NRXN3: variants seen among roughly 807,000 people sequenced by gnomAD.
NRXN3 encodes neurexin III.
NRXN3 carries 32 observed loss-of-function variants against 137.6 expected under a neutral mutation model. The observed-to-expected ratio is 0.23, with a 90% CI of 0.18 to 0.31. NRXN3 has a LOEUF of 0.31. Among genes scored for constraint, NRXN3 ranks in the 10% least tolerant of loss-of-function variants. The probability of loss-of-function intolerance (pLI) is 1.00; values close to 1 mark genes in which losing one functional copy is unlikely to be tolerated. For missense variants in NRXN3, 1,574 were observed against 2,062.5 expected (o/e 0.76, Z 4.59); for synonymous variants, 798 against 784.5 (o/e 1.02, Z -0.29).
intron 4 of NRXN3, among the ~76,000 whole-genome samples, chr14:78,528,806 A>G (rs1352426563): frequency 6.6e-6 from 1 of 152,092 alleles, no homozygotes; most frequent in Non-Finnish European, 1.5e-5. Context: ...TTTAGCATGG[A>G]TATTTCCATT....
intron 15 of NRXN3, among the ~76,000 whole-genome samples, chr14:79,447,744 A>C (rs746212092): frequency 6.6e-6 from 1 of 152,206 alleles, no homozygotes; most frequent in Non-Finnish European, 1.5e-5. Flanking sequence ...TGAGTCCAGT[A>C]ATTTTTACGT....
chr14:79,284,781 GC>G (rs777366430), intron 15 of NRXN3, among the ~76,000 whole-genome samples: 5 of 152,154 alleles, frequency 3.3e-5, no homozygotes, highest in Admixed American at 1.3e-4. Flanking sequence ...AGCCTTGGGG[GC>G]TTGTTTTGCT....
intron 15 of NRXN3, among the ~76,000 whole-genome samples, chr14:79,261,208 C>A (rs1463539594): frequency 2.0e-5 from 3 of 152,092 alleles, no homozygotes; most frequent in Non-Finnish European, 4.4e-5. Flanking sequence ...AAGGAGTGGA[C>A]TTTGAGGGTT....
At chr14:79,541,170 G>C (rs1480364678) in intron 16 of NRXN3, among the ~76,000 whole-genome samples, 1 of 152,130 alleles carries the variant, frequency 6.6e-6, no homozygotes, top group Non-Finnish European at 1.5e-5. Context: ...CAGCACTTTG[G>C]GAGGCCAAGG....
At chr14:79,065,447 G>C (rs2099679590) in intron 15 of NRXN3, among the ~76,000 whole-genome samples, 1 of 152,230 alleles carries the variant, frequency 6.6e-6, no homozygotes, top group East Asian at 1.9e-4. Flanking sequence ...ATGCAGAAAG[G>C]GTGGCCATGT....
intron 15 of NRXN3, among the ~76,000 whole-genome samples, chr14:79,262,190 A>C (rs1160056652): frequency 6.6e-6 from 1 of 152,178 alleles, no homozygotes; most frequent in African/African-American, 2.4e-5. Flanking sequence ...CCTCCTGCCC[A>C]CAACTTCTTT....
intron 15 of NRXN3, among the ~76,000 whole-genome samples, chr14:79,172,938 C>A (rs993566014): frequency 2.0e-5 from 3 of 152,290 alleles, no homozygotes; most frequent in Non-Finnish European, 4.4e-5. Context: ...GAAATTTAAT[C>A]ACTTCCAAAG....
At chr14:78,692,893 C>G (rs1021108932) in intron 6 of NRXN3, among the ~76,000 whole-genome samples, 4 of 149,590 alleles carry the variant, frequency 2.7e-5, no homozygotes, top group African/African-American at 9.9e-5. Flanking sequence ...CGAGCCTGGC[C>G]AACATAGTGA....
chr14:78,958,350 T>C (rs374292635), intron 11 of NRXN3, among the ~76,000 whole-genome samples: 2 of 150,356 alleles, frequency 1.3e-5, no homozygotes, highest in African/African-American at 4.9e-5. Context: ...ATATCTTTTT[T>C]TTCTTTCTTT....
intron 15 of NRXN3, among the ~76,000 whole-genome samples, chr14:79,368,073 T>A (rs1270432137): frequency 6.6e-6 from 1 of 152,196 alleles, no homozygotes. Flanking sequence ...CATTATTACC[T>A]CTATGGGGCT....
intron 4 of NRXN3, among the ~76,000 whole-genome samples, chr14:78,316,550 TGGA>T (rs781680439): frequency 4.6e-5 from 7 of 152,170 alleles, no homozygotes; most frequent in Non-Finnish European, 1.0e-4. Flanking sequence ...AATTTATTTT[TGGA>T]GGAGAAGGGA....
At chr14:79,260,123 GATATGTACAA>G (rs1156496490) in intron 15 of NRXN3, among the ~76,000 whole-genome samples, 1 of 151,966 alleles carries the variant, frequency 6.6e-6, no homozygotes, top group Non-Finnish European at 1.5e-5. Flanking sequence ...TAATATTTTT[GATATGTACAA>G]ATATGTATCT....
chr14:79,042,891 AT>A (rs564236361), intron 15 of NRXN3, among the ~76,000 whole-genome samples: 201 of 145,630 alleles, frequency 1.4e-3, no homozygotes, highest in African/African-American at 1.5e-3. Flanking sequence ...CAGCAAAAGG[AT>A]TTTTTTTTTT....
rs748918729 is a variant in NRXN3, at chr14:79,861,678, C to T, written c.4430C>T (p.Pro1477Leu). The change falls in exon 21 of 21, where the codon CCG becomes CTG. Residue 1477 changes from proline to leucine, a missense_variant. Around this residue, in one of 5 missense-constraint regions of NRXN3, gnomAD observed 320 missense variants for 387.1 expected, o/e 0.83. Coordinates refer to ENST00000335750, the MANE Select transcript of NRXN3 (RefSeq NM_001330195.2). The surrounding 1 kb of genome is among the most constrained non-coding windows in gnomAD (Gnocchi z 5.4). ...RNVPTANPTE[P>L]GIRRVPGASE... ...GTGCCCACAGCAAACCCCACGGAGC[C>T]GGGAATCAGACGGGTTCCGGGGGCC... 5 of 1,614,016 alleles carry T rather than the reference C, an allele frequency of 3.1e-6. No individual in the cohort carries two copies. The highest frequency in any genetic ancestry group is 1.7e-5 in the Admixed American group (1 of 59,998).
chr14:78,429,790 C>A (rs1356815972), intron 4 of NRXN3, among the ~76,000 whole-genome samples: 2 of 152,136 alleles, frequency 1.3e-5, no homozygotes, highest in Admixed American at 6.5e-5. Context: ...GATTTGTAGA[C>A]CATTAGGAGC....
At chr14:78,517,910 T>A (rs1320515773) in intron 4 of NRXN3, among the ~76,000 whole-genome samples, 2 of 152,184 alleles carry the variant, frequency 1.3e-5, no homozygotes, top group African/African-American at 2.4e-5. Context: ...TCACTCCTCA[T>A]GTATTTTCAC....
intron 10 of NRXN3, among the ~76,000 whole-genome samples, chr14:78,874,383 T>G (rs1469490016): frequency 6.6e-6 from 1 of 152,226 alleles, no homozygotes; most frequent in African/African-American, 2.4e-5. Flanking sequence ...CAATGTGGAA[T>G]AGGGCTGTAA....
Position 78,287,512 on chromosome 14 carries a change from C to G in NRXN3, c.727+8850C>G, listed in dbSNP as rs1158939026. Among the ~76,000 whole-genome samples, 7 of 152,346 alleles carry G rather than the reference C, an allele frequency of 4.6e-5. 1 individual carries two copies. The South Asian group carries it at 1.2e-3, about 27-fold the overall frequency. On this transcript the variant is annotated intron_variant, in intron 3 of 20. Coordinates refer to ENST00000335750, the MANE Select transcript of NRXN3 (RefSeq NM_001330195.2). Reference sequence around the variant, plus strand: ...GGAAGGAAGAGGCCCAATAGATTGTCAAGGCTCTCTGTGCACCTAATTTTT... The same window carrying G: ...GGAAGGAAGAGGCCCAATAGATTGTGAAGGCTCTCTGTGCACCTAATTTTT...
At chr14:78,641,791 A>G (rs1048455308) in intron 4 of NRXN3, among the ~76,000 whole-genome samples, 1 of 152,232 alleles carries the variant, frequency 6.6e-6, no homozygotes, top group African/African-American at 2.4e-5. Context: ...ACTTGGCCAC[A>G]TAAAATCTTC....
Sources: gnomAD v4.1 joint callset for allele counts (sites outside exome capture counted in the v4.1 genomes callset) on GRCh38, gnomAD v4.1.1 for gene constraint, gnomAD v4.1.1 regional missense constraint, Gnocchi (gnomAD v3.1) non-coding constraint, MANE v1.5 for transcripts, NCBI Gene and HGNC (gene_info 2026-07-23, HGNC 2026-07-21) for gene names.